Variants in MCPH1 observed in about 807,000 individuals in gnomAD.
MCPH1 encodes the protein microcephalin.
Under a neutral mutation model 84.5 loss-of-function variants are expected in MCPH1, and 104 were observed. The ratio of observed to expected loss-of-function variants is 1.23; its 90% CI spans 1.05 to 1.45. The LOEUF is 1.45. Ranked by LOEUF, MCPH1 falls within the 40% of genes most tolerant of loss-of-function variation. MCPH1 has a pLI of 0.00. For synonymous variants in MCPH1, 514 were observed against 366.8 expected (o/e 1.40, Z -4.58); for missense variants, 1,498 against 1,005.7 (o/e 1.49, Z -6.62).
chr8:6,459,056 T>C (rs1805994812), intron 9 of MCPH1, among the ~76,000 whole-genome samples: 1 of 152,228 alleles, frequency 6.6e-6, no homozygotes, highest in African/African-American at 2.4e-5. Flanking sequence ...ACAGAAACAC[T>C]AAAATTTAGT....
intron 12 of MCPH1, chr8:6,501,350 C>G (rs1812139091): frequency 1.3e-5 from 2 of 152,128 alleles, no homozygotes; most frequent in South Asian, 4.1e-4. Context: ...ATAGTAGATG[C>G]TAGTTACAGA....
At chr8:6,458,201 G>A (rs1031895128) in intron 9 of MCPH1, among the ~76,000 whole-genome samples, 11 of 152,058 alleles carry the variant, frequency 7.2e-5, no homozygotes, top group African/African-American at 2.2e-4. Context: ...GGCTGGGTGC[G>A]GTGGCTCACA....
intron 13 of MCPH1, among the ~76,000 whole-genome samples, chr8:6,640,996 A>C (rs1462254729): frequency 1.4e-5 from 2 of 147,458 alleles, no homozygotes; most frequent in Non-Finnish European, 3.0e-5. Context: ...TTCTGTGCTG[A>C]CCTCTATTTT....
Position 6,645,673 on chromosome 8 carries a change from T to C in MCPH1, c.*2624T>C, listed in dbSNP as rs1798185831. 1 of 138,010 alleles carries C rather than the reference T, an allele frequency of 7.2e-6. No individual in the cohort carries two copies. The highest frequency in any genetic ancestry group is 1.5e-5 in the Non-Finnish European group (1 of 65,184). The allele number at this position is 138,010 out of a possible 1,614,324, so 8.5% of individuals were successfully genotyped here. A position where few individuals can be genotyped will look rare whatever the true frequency, so the allele number is the denominator to read the frequency against. On this transcript the variant is annotated 3_prime_UTR_variant, in exon 14 of 14. Coordinates refer to ENST00000344683, the MANE Select transcript of MCPH1 (RefSeq NM_024596.5). ...AGTTTAGCAAGATTGCAATATACAA[T>C]CTTGCAATCTTCCTAAAGATTATAT...
chr8:6,576,248 A>C (rs1172277735), intron 12 of MCPH1, among the ~76,000 whole-genome samples: 1 of 152,102 alleles, frequency 6.6e-6, no homozygotes. Context: ...TAGAAGTACT[A>C]AGGCTCGTTA....
At chr8:6,431,667 CT>C (rs1193553082) in intron 4 of MCPH1, 81 bp downstream of exon 4, 12 of 945,134 alleles carry the variant, frequency 1.3e-5, no homozygotes, top group Non-Finnish European at 1.8e-5. Context: ...AATAAAACTT[CT>C]AGAAATATAT....
intron 10 of MCPH1, among the ~76,000 whole-genome samples, chr8:6,478,569 G>A (rs1808774377): frequency 6.6e-6 from 1 of 151,826 alleles, no homozygotes; most frequent in Non-Finnish European, 1.5e-5. Context: ...TTCTCCACAT[G>A]GACTTCTTGT....
At chr8:6,505,824 T>C (rs2129564633) in intron 12 of MCPH1, among the ~76,000 whole-genome samples, 1 of 140,350 alleles carries the variant, frequency 7.1e-6, no homozygotes, top group Admixed American at 7.3e-5. Context: ...TATATGTATA[T>C]ATAAAAACAT....
At position 6,648,042 on chromosome 8, in the gene MCPH1, C is replaced by T. The variant is rs151317898; in HGVS notation, c.*4993C>T. ...CAGCAATGAGTGCAGGTAGCTAACA[C>T]TGACCAACCTGCATCTGGTAGTTCA... On this transcript the variant is annotated 3_prime_UTR_variant, in exon 14 of 14. Coordinates refer to ENST00000344683, the MANE Select transcript of MCPH1 (RefSeq NM_024596.5). 1 of 152,220 alleles carries T rather than the reference C, an allele frequency of 6.6e-6. No individual in the cohort carries two copies. Among genetic ancestry groups the T allele is most frequent in the Non-Finnish European group, 1.5e-5 (1 of 68,048 alleles). 9.4% of individuals were successfully genotyped at this position (152,220 alleles called of 1,614,324 possible).
intron 13 of MCPH1, chr8:6,622,321 C>A (rs566907057): frequency 6.3e-6 from 1 of 159,164 alleles, no homozygotes; most frequent in Admixed American, 5.9e-5. Context: ...AGGCTGGAAC[C>A]CCACGCCGTG....
chr8:6,469,709 A>G (rs539987588), intron 9 of MCPH1, among the ~76,000 whole-genome samples: 1 of 152,336 alleles, frequency 6.6e-6, no homozygotes, highest in Non-Finnish European at 1.5e-5. Flanking sequence ...TTTGTTTTTG[A>G]AATGTTTCTA....
chr8:6,511,307 C>G (rs1815046400), intron 12 of MCPH1, among the ~76,000 whole-genome samples: 1 of 151,164 alleles, frequency 6.6e-6, no homozygotes, highest in Admixed American at 6.6e-5. Flanking sequence ...TTTTCAATCT[C>G]TGCAGCTTTG....
At chr8:6,479,151 C>T (rs566952957) in intron 10 of MCPH1, among the ~76,000 whole-genome samples, 1 of 152,048 alleles carries the variant, frequency 6.6e-6, no homozygotes, top group Non-Finnish European at 1.5e-5. Context: ...CCTATAGTCC[C>T]AACTACTTGG....
At chr8:6,595,798 T>C (rs927993729) in intron 12 of MCPH1, among the ~76,000 whole-genome samples, 3 of 152,126 alleles carry the variant, frequency 2.0e-5, no homozygotes, top group Non-Finnish European at 4.4e-5. Context: ...GGGCAAGAGT[T>C]GATGCAGACA....
At chr8:6,412,312 G>A (rs543693334) in intron 2 of MCPH1, among the ~76,000 whole-genome samples, 7 of 152,324 alleles carry the variant, frequency 4.6e-5, no homozygotes, top group South Asian at 4.1e-4. Context: ...GAAAAAAGCC[G>A]TTAGACAAGT....
intron 12 of MCPH1, among the ~76,000 whole-genome samples, chr8:6,515,099 G>C (rs1467376848): frequency 1.3e-5 from 2 of 152,004 alleles, no homozygotes; most frequent in Admixed American, 1.3e-4. Flanking sequence ...TTTTTTTAGA[G>C]ATTCATTATG....
intron 12 of MCPH1, among the ~76,000 whole-genome samples, chr8:6,545,513 G>C (rs545802533): frequency 3.0e-4 from 46 of 152,198 alleles, no homozygotes; most frequent in Non-Finnish European, 6.0e-4. Context: ...CTTTGGAAAA[G>C]TAATTTTAAA....
chr8:6,550,711 A>C (rs1823492167), intron 12 of MCPH1, among the ~76,000 whole-genome samples: 1 of 152,200 alleles, frequency 6.6e-6, no homozygotes, highest in Non-Finnish European at 1.5e-5. Context: ...AGAGGCTCTG[A>C]AAGGAAGAAA....
At chr8:6,427,754 A>G (rs1313137365) in intron 3 of MCPH1, among the ~76,000 whole-genome samples, 1 of 151,406 alleles carries the variant, frequency 6.6e-6, no homozygotes, top group Non-Finnish European at 1.5e-5. Flanking sequence ...TAGGTTATGT[A>G]TAATACCTAA....
Sources: gnomAD v4.1 joint callset for allele counts (sites outside exome capture counted in the v4.1 genomes callset) on GRCh38, gnomAD v4.1.1 for gene constraint, MANE v1.5 for transcripts, NCBI Gene and HGNC (gene_info 2026-07-23, HGNC 2026-07-21) for gene names.